COL22A1: variants seen among roughly 807,000 people sequenced by gnomAD.
COL22A1 encodes the protein collagen alpha-1(XXII) chain.
A neutral mutation model predicts 248.9 loss-of-function variants in COL22A1; 221 were observed. That is an observed-to-expected ratio of 0.89 (90% CI 0.80 to 0.99). The LOEUF is 0.99. Among genes scored for constraint, COL22A1 ranks in the 50% least tolerant of loss-of-function variants. COL22A1 has a pLI of 0.00. For synonymous variants in COL22A1, 891 were observed against 793.4 expected (o/e 1.12, Z -2.07); for missense variants, 2,240 against 2,179.0 (o/e 1.03, Z -0.56).
Position 138,686,256 on chromosome 8 carries a change from C to A in COL22A1, c.2863-944G>T, listed in dbSNP as rs180911326. ...TGGGCACCGGGGTCGGCTTGAGGAC[C>A]TGGGCTTTGAGCTTGCTCCAGGCCA... On this transcript the variant is annotated intron_variant, in intron 37 of 64. Coordinates refer to ENST00000303045, the MANE Select transcript of COL22A1 (RefSeq NM_152888.3). 8.0e-4 allele frequency among the ~76,000 whole-genome samples: 122 copies of A among 152,188 alleles called. 1 individual carries two copies. Among genetic ancestry groups the A allele is most frequent in the Non-Finnish European group, 1.2e-4 (8 of 67,978 alleles).
intron 21 of COL22A1, among the ~76,000 whole-genome samples, chr8:138,752,033 C>A (rs1184785788): frequency 1.3e-5 from 2 of 152,228 alleles, no homozygotes; most frequent in African/African-American, 4.8e-5. Context: ...TCATTCGAAT[C>A]CTGCCCCCTC....
At chr8:138,714,752 C>A (rs1829300567) in intron 30 of COL22A1, among the ~76,000 whole-genome samples, 1 of 152,178 alleles carries the variant, frequency 6.6e-6, no homozygotes, top group Non-Finnish European at 1.5e-5. Flanking sequence ...CACTTCAGGG[C>A]ACACAGTAGG....
At chr8:138,765,202 C>T (rs1479163552) in intron 16 of COL22A1, among the ~76,000 whole-genome samples, 1 of 152,190 alleles carries the variant, frequency 6.6e-6, no homozygotes, top group African/African-American at 2.4e-5. Context: ...AGAACCGGCC[C>T]TCCTGTCCTT....
chr8:138,649,168 C>T (rs1822469589), intron 46 of COL22A1, among the ~76,000 whole-genome samples: 1 of 152,164 alleles, frequency 6.6e-6, no homozygotes, highest in African/African-American at 2.4e-5. Flanking sequence ...AGGGTCTCAG[C>T]CTTTTTCTTC....
Position 138,741,061 on chromosome 8 carries a change from C to G in COL22A1, c.2086-3484G>C, listed in dbSNP as rs901534925. On this transcript the variant is annotated intron_variant, in intron 22 of 64. Transcript: ENST00000303045. ...GTTTGGTGTCCAGGGTTCACACCAT[C>G]ATCTCCTAAGCAAGAGCCCAAATGG... Among the ~76,000 whole-genome samples the G allele has an allele frequency of 7.2e-5, 11 of 152,320 alleles. No individual in the cohort carries two copies. The South Asian group carries it at 2.1e-3, about 29-fold the overall frequency.
intron 4 of COL22A1, among the ~76,000 whole-genome samples, chr8:138,834,083 G>T (rs1052778026): frequency 6.6e-6 from 1 of 152,282 alleles, no homozygotes; most frequent in East Asian, 1.9e-4. Context: ...TGCAGACCAG[G>T]TTCTCAGAGG....
intron 15 of COL22A1, among the ~76,000 whole-genome samples, chr8:138,776,483 C>T (rs1814472501): frequency 6.6e-6 from 1 of 152,156 alleles, no homozygotes; most frequent in African/African-American, 2.4e-5. Context: ...TGTCTGTCCC[C>T]ATTGCTCATC....
At chr8:138,642,211 A>T (rs1821774523) in intron 47 of COL22A1, among the ~76,000 whole-genome samples, 1 of 152,192 alleles carries the variant, frequency 6.6e-6, no homozygotes, top group African/African-American at 2.4e-5. Flanking sequence ...TACTCAGGGT[A>T]CTGAAGTTGG....
intron 1 of COL22A1, among the ~76,000 whole-genome samples, chr8:138,895,539 A>C (rs914392805): frequency 1.3e-5 from 2 of 152,316 alleles, no homozygotes; most frequent in South Asian, 4.1e-4. Context: ...AGCAGGCCTA[A>C]AACTAGACTG....
intron 3 of COL22A1, among the ~76,000 whole-genome samples, chr8:138,848,547 A>G (rs1041174644): frequency 1.3e-5 from 2 of 152,110 alleles, no homozygotes; most frequent in Admixed American, 6.5e-5. Context: ...CTCGTGCTCT[A>G]TGTTGACGCA....
At chr8:138,764,217 C>T (rs771093102) in intron 16 of COL22A1, among the ~76,000 whole-genome samples, 5 of 152,270 alleles carry the variant, frequency 3.3e-5, no homozygotes, top group Middle Eastern at 3.4e-3. Context: ...TATTCACTGC[C>T]GCTCCCTCTG....
chr8:138,897,580 C>T (rs1267848535), intron 1 of COL22A1, among the ~76,000 whole-genome samples: 1 of 151,646 alleles, frequency 6.6e-6, no homozygotes. Flanking sequence ...TAATAAGTAA[C>T]TTAGTGAAAT....
At chr8:138,619,561 C>T in intron 52 of COL22A1, 53 bp from the exon 53 acceptor site, 1 of 1,526,634 alleles carries the variant, frequency 6.6e-7, no homozygotes, top group Non-Finnish European at 9.1e-7. Flanking sequence ...AAGAATCTTC[C>T]TATTCCTGGC....
In COL22A1 at chr8:138,755,803, A is replaced by C. The variant is rs753308711; in HGVS notation, c.1929T>G (p.Pro643=). ...EKGDVGPAGP[P]GVPGSVVQQE... ...GACTCACCACTGAGCCTGGTACACCAGGTGGCCCCGCAGGTCCCACGTCAC... is the reference window on the plus strand; with the variant it reads ...GACTCACCACTGAGCCTGGTACACCCGGTGGCCCCGCAGGTCCCACGTCAC... Residue 643 remains proline (P), a synonymous_variant, in exon 19 of 65, where the codon CCT becomes CCG. Transcript: ENST00000303045. 1.4e-5 allele frequency: 23 copies of C among 1,614,040 alleles called. No individual in the cohort carries two copies. In the Admixed American group the frequency reaches 3.8e-4, roughly 27 times the overall value.
intron 23 of COL22A1, among the ~76,000 whole-genome samples, chr8:138,726,028 C>T (rs140961270): frequency 1.3e-5 from 2 of 152,308 alleles, no homozygotes; most frequent in African/African-American, 4.8e-5. Context: ...GATGTAGATT[C>T]TTGTGCTATT....
In COL22A1 at chr8:138,877,098, C is replaced by A. The variant is rs559417871; in HGVS notation, c.658+652G>T. Among the ~76,000 whole-genome samples, 301 of 152,292 alleles carry A rather than the reference C, an allele frequency of 2.0e-3. 1 individual carries two copies. Among genetic ancestry groups the A allele is most frequent in the African/African-American group, 6.2e-3 (259 of 41,564 alleles). Reference sequence around the variant, plus strand: ...AGGTCAGAGCCCTGGGGGCCATCAGCCCTCTGCCTCCCCTCCCCCACCCCC... The same window carrying A: ...AGGTCAGAGCCCTGGGGGCCATCAGACCTCTGCCTCCCCTCCCCCACCCCC... On this transcript the variant is annotated intron_variant, in intron 3 of 64. Coordinates refer to ENST00000303045, the MANE Select transcript of COL22A1 (RefSeq NM_152888.3).
At chr8:138,805,993 G>A (rs1234962503) in intron 10 of COL22A1, among the ~76,000 whole-genome samples, 29 of 67,222 alleles carry the variant, frequency 4.3e-4, no homozygotes, top group Non-Finnish European at 8.3e-4. Flanking sequence ...TGTGTGTGAT[G>A]GTGTGTGTGT....
intron 37 of COL22A1, among the ~76,000 whole-genome samples, chr8:138,687,957 G>T (rs974504266): frequency 2.6e-5 from 4 of 152,200 alleles, no homozygotes; most frequent in African/African-American, 9.7e-5. Flanking sequence ...CCCCTGTTGA[G>T]AATCACTTTT....
chr8:138,750,898 T>C (rs890115606), intron 22 of COL22A1, among the ~76,000 whole-genome samples: 2 of 152,244 alleles, frequency 1.3e-5, no homozygotes, highest in African/African-American at 4.8e-5. Flanking sequence ...AACCCAAGCA[T>C]GCTTCTGCAG....
Sources: gnomAD v4.1 joint callset for allele counts (sites outside exome capture counted in the v4.1 genomes callset) on GRCh38, gnomAD v4.1.1 for gene constraint, MANE v1.5 for transcripts, NCBI Gene and HGNC (gene_info 2026-07-23, HGNC 2026-07-21) for gene names.